ZNF695: variants seen among roughly 807,000 people sequenced by gnomAD.
ZNF695 encodes the protein zinc finger protein SBZF3.
ZNF695 carries 11 observed loss-of-function variants against 11.2 expected under a neutral mutation model. The observed-to-expected ratio is 0.98, with a 90% confidence interval of 0.62 to 1.62. The LOEUF (loss-of-function observed/expected upper bound fraction) is 1.62, where lower values mean the gene tolerates loss of function less well. ZNF695 is among the 40% of genes most tolerant of loss of function. The pLI is 0.00. For synonymous variants in ZNF695, 190 were observed against 201.4 expected (o/e 0.94, Z 0.48); for missense variants, 559 against 590.5 (o/e 0.95, Z 0.55).
In ZNF695 at chr1:246,959,276, C is replaced by A. The variant is rs1327746726; in HGVS notation, c.488+8419G>T. Among the ~76,000 whole-genome samples the A allele has an allele frequency of 7.9e-5, 4 of 50,866 alleles. No homozygotes were observed. The Admixed American group carries it at 8.8e-4, about 11-fold the overall frequency. 33.4% of individuals were successfully genotyped at this position (50,866 alleles called of 152,430 possible). On this transcript the variant is annotated intron_variant, in intron 5 of 5. Coordinates refer to the ZNF695 transcript ENST00000487338. ...CCAGCCTGGATGACAGAGTGAGACC[C>A]TGTCTCAAAAAAAAAAAAAAAAAAA...
chr1:246,947,034 G>A (rs113486416), intron 5 of ZNF695, among the ~76,000 whole-genome samples: 7,662 of 151,618 alleles, frequency 0.051, 546 homozygotes, highest in African/African-American at 0.16. Context: ...CAGCTACTCC[G>A]GAGGCTGAGG....
chr1:246,986,805 G>T lies in ZNF695; in HGVS notation c.*162C>A. ...TTGAACCGGTCTATTTGTATTGTTCGTAGCCTAAACATTTTAGTGCACTCA... is the reference window on the plus strand; with the variant it reads ...TTGAACCGGTCTATTTGTATTGTTCTTAGCCTAAACATTTTAGTGCACTCA... On this transcript the variant is annotated 3_prime_UTR_variant, in exon 4 of 4. Coordinates refer to ENST00000339986, the MANE Select transcript of ZNF695 (RefSeq NM_020394.5). 1 of 1,398,144 alleles carries T rather than the reference G, an allele frequency of 7.2e-7. No homozygotes were observed. The highest frequency in any genetic ancestry group is 2.6e-5 in the East Asian group (1 of 39,012). The allele number at this position is 1,398,144 out of a possible 1,614,324, so 86.6% of individuals were successfully genotyped here.
chr1:246,977,720 T>C (rs963702631), intron 4 of ZNF695, among the ~76,000 whole-genome samples: 14 of 152,258 alleles, frequency 9.2e-5, no homozygotes, highest in Admixed American at 3.3e-4. Flanking sequence ...TTAGTTTGCG[T>C]TCAGCTACAA....
At chr1:246,992,671 C>T (rs1012719798) in intron 3 of ZNF695, among the ~76,000 whole-genome samples, 3 of 152,176 alleles carry the variant, frequency 2.0e-5, no homozygotes, top group Non-Finnish European at 2.9e-5. Context: ...TAAATATATA[C>T]ACTATGCACC....
Position 246,999,385 on chromosome 1 carries a change from G to A in ZNF695, c.222C>T (p.Pro74=), listed in dbSNP as rs1454293531. ...CTGTCTTCTCTGTGTTCACGTTCCA[G>A]GGCTCTTTCCTTGCCTCCAGACAGA... The part of the protein sequence containing the change: ...LIICLEARKE[P]WNVNTEKTAR... The change falls in exon 3 of 4, where the codon CCC becomes CCT. Residue 74 remains proline, a synonymous_variant. Coordinates refer to ENST00000339986, the MANE Select transcript of ZNF695 (RefSeq NM_020394.5). 3.1e-6 allele frequency: 5 copies of A among 1,614,032 alleles called. No homozygotes were observed. The East Asian group carries it at 1.1e-4, about 36-fold the overall frequency.
intron 3 of ZNF695, among the ~76,000 whole-genome samples, chr1:246,995,813 C>CAAAAAA (rs60375785): frequency 1.3e-4 from 9 of 66,754 alleles, no homozygotes; most frequent in Non-Finnish European, 2.4e-4. Flanking sequence ...GACTCTGTCT[C>CAAAAAA]AAAAAAAAAA....
At chr1:246,956,636 T>C (rs746075274) in intron 5 of ZNF695, among the ~76,000 whole-genome samples, 6 of 152,016 alleles carry the variant, frequency 3.9e-5, no homozygotes, top group Non-Finnish European at 7.4e-5. Context: ...AAAAAGATCA[T>C]GGGATAATTG....
intron 5 of ZNF695, among the ~76,000 whole-genome samples, chr1:246,952,130 G>T (rs1038560719): frequency 1.3e-5 from 2 of 152,022 alleles, no homozygotes; most frequent in Non-Finnish European, 1.5e-5. Context: ...TGTATTTTTA[G>T]TAGAGACAGG....
chr1:246,954,235 G>A (rs1391036850), intron 5 of ZNF695, among the ~76,000 whole-genome samples: 7 of 152,240 alleles, frequency 4.6e-5, no homozygotes, highest in Non-Finnish European at 7.4e-5. Context: ...GAGAGCCAAC[G>A]GCACTAACAA....
rs549432582 is a variant in ZNF695, at chr1:246,964,117, C to T, written c.488+3578G>A. On this transcript the variant is annotated intron_variant, in intron 5 of 5. Coordinates refer to the ZNF695 transcript ENST00000487338. ...GAGGGGGCAGGTGGCTTCCACGCCC[C>T]CTCCAGGGTGCATCGCCCTTCCAGC... Among the ~76,000 whole-genome samples the T allele has an allele frequency of 2.5e-4, 38 of 152,228 alleles. 1 individual carries two copies. In the Middle Eastern group the frequency reaches 0.024, roughly 95 times the overall value.
chr1:246,987,404 T>C lies in ZNF695; in HGVS notation c.1111A>G (p.Arg371Gly), dbSNP rs1282023649. 2 of 1,612,526 alleles carry C rather than the reference T, an allele frequency of 1.2e-6. No homozygotes were observed. The highest frequency in any genetic ancestry group is 1.7e-6 in the Non-Finnish European group (2 of 1,179,278). The change falls in exon 4 of 4, where the codon AGG (arginine) becomes GGG (glycine). Residue 371 changes from arginine (R) to glycine (G), a missense_variant. Arg to Gly is a moderately radical substitution (Grantham distance 125, BLOSUM62 -2). Coordinates refer to ENST00000339986, the MANE Select transcript of ZNF695 (RefSeq NM_020394.5). ...FNQSSHLTEH[R>G]RIHTGEKPYK... The stretch of plus-strand genomic sequence containing the variant: ...GGTTTCTCACCAGTATGAATTCTCC[T>C]ATGTTCAGTCAGATGTGAGCTCTGG...
chr1:246,952,048 A>G (rs1667881367), intron 5 of ZNF695, among the ~76,000 whole-genome samples: 1 of 152,194 alleles, frequency 6.6e-6, no homozygotes, highest in African/African-American at 2.4e-5. Flanking sequence ...TCCCAGGCTC[A>G]GGCGATTCTC....
At chr1:246,978,017 G>A (rs534932893) in intron 4 of ZNF695, among the ~76,000 whole-genome samples, 16 of 152,322 alleles carry the variant, frequency 1.1e-4, no homozygotes, top group African/African-American at 3.6e-4. Flanking sequence ...ATTCAGAGAA[G>A]GCCAACCTGT....
At chr1:247,005,319 A>G (rs1406307117) in intron 1 of ZNF695, among the ~76,000 whole-genome samples, 1 of 152,226 alleles carries the variant, frequency 6.6e-6, no homozygotes, top group Non-Finnish European at 1.5e-5. Flanking sequence ...AGAGGCACCA[A>G]GAACATACTT....
intron 2 of ZNF695, 31 bp downstream of exon 2, chr1:246,999,881 A>G: frequency 6.2e-7 from 1 of 1,608,884 alleles, no homozygotes; most frequent in Non-Finnish European, 8.5e-7. Context: ...CCCAGAAAAC[A>G]TTCTACAAAG....
At chr1:246,991,109 C>A (rs1669018372) in intron 3 of ZNF695, among the ~76,000 whole-genome samples, 1 of 151,916 alleles carries the variant, frequency 6.6e-6, no homozygotes, top group East Asian at 1.9e-4. Flanking sequence ...AAGATCAGAG[C>A]AGAAATAAAT....
rs186112691 is a variant in ZNF695, at chr1:246,966,780, T to G, written c.488+915A>C. 4.6e-3 allele frequency: 2,078 copies of G among 456,498 alleles called. 12 individuals are homozygous for G. The highest frequency in any genetic ancestry group is 6.8e-3 in the Non-Finnish European group (1,545 of 226,824). The allele number at this position is 456,498 out of a possible 1,614,324, so 28.3% of individuals were successfully genotyped here. A position where few individuals can be genotyped will look rare whatever the true frequency, so the allele number is the denominator to read the frequency against. On this transcript the variant is annotated intron_variant, in intron 5 of 5. Coordinates refer to the ZNF695 transcript ENST00000487338. ...AGCCTGGGCAAAGAGCAAGACCCTATTTTTAAAGGAAAAAAAAGTCAAAAT... is the reference window on the plus strand; with the variant it reads ...AGCCTGGGCAAAGAGCAAGACCCTAGTTTTAAAGGAAAAAAAAGTCAAAAT...
Position 246,950,984 on chromosome 1 carries a change from T to C in ZNF695, c.489-5157A>G, listed in dbSNP as rs182293344. Among the ~76,000 whole-genome samples, 29 of 152,332 alleles carry C rather than the reference T, an allele frequency of 1.9e-4. 2 individuals carry two copies. Among genetic ancestry groups the C allele is most frequent in the African/African-American group, 7.0e-4 (29 of 41,570 alleles). On this transcript the variant is annotated intron_variant, in intron 5 of 5. Coordinates refer to the ZNF695 transcript ENST00000487338. ...TGTCAACTTGTTTACTATCAAACAA[T>C]ATACAGTTAGTAATAAAACAAAGGT...
At chr1:246,945,555 A>G, downstream of ZNF695, 1 of 497,924 alleles carries the variant, frequency 2.0e-6, no homozygotes, top group Admixed American at 3.7e-5. Context: ...ATGAATTAAT[A>G]CATTTTCTTT....
Sources: allele counts gnomAD v4.1 joint callset (sites outside exome capture counted in the v4.1 genomes callset), GRCh38; gene constraint gnomAD v4.1.1; transcripts MANE v1.5; gene names NCBI Gene and HGNC (gene_info 2026-07-23, HGNC 2026-07-21).